The following AGBL4 variants were observed in gnomAD, a reference collection of about 807,000 sequenced individuals.
AGBL4 encodes the protein cytosolic carboxypeptidase 6.
AGBL4 carries 58 observed loss-of-function variants against 66.4 expected under a neutral mutation model. The ratio of observed to expected loss-of-function variants is 0.87; its 90% CI spans 0.71 to 1.09. The LOEUF is 1.09. AGBL4 is among the 50% of genes least tolerant of loss of function. The pLI is 0.00. For synonymous variants in AGBL4, 234 were observed against 222.9 expected (o/e 1.05, Z -0.44); for missense variants, 579 against 631.0 (o/e 0.92, Z 0.88).
At chr1:49,102,174 T>C (rs505739) in intron 4 of AGBL4, among the ~76,000 whole-genome samples, 103,007 of 151,930 alleles carry the variant, frequency 0.68, 35,446 homozygotes, top group African/African-American at 0.75. Flanking sequence ...AGCCATTCCA[T>C]AGCTAAGATC....
chr1:49,058,959 G>A (rs1644353939), intron 4 of AGBL4, among the ~76,000 whole-genome samples: 2 of 152,094 alleles, frequency 1.3e-5, no homozygotes, highest in African/African-American at 4.8e-5. Context: ...TCAAGAGGAA[G>A]AAGAGCAGAA....
At chr1:48,542,488 T>A (rs1211121294) in intron 11 of AGBL4, among the ~76,000 whole-genome samples, 6 of 152,204 alleles carry the variant, frequency 3.9e-5, no homozygotes, top group Admixed American at 6.5e-5. Context: ...TTTCTTCACA[T>A]CCTCTCCAGC....
chr1:48,678,385 A>AG (rs1251548589), intron 6 of AGBL4, among the ~76,000 whole-genome samples: 1 of 152,146 alleles, frequency 6.6e-6, no homozygotes, highest in African/African-American at 2.4e-5. Context: ...TAAGGGACTG[A>AG]GGGGGAGAAC....
At chr1:48,759,247 T>C (rs1023747124) in intron 6 of AGBL4, 7 of 1,584,470 alleles carry the variant, frequency 4.4e-6, no homozygotes, top group East Asian at 2.3e-5. Context: ...CTCGATGCTC[T>C]TGTGCGCCAC....
chr1:49,216,566 T>C (rs1347066436), intron 4 of AGBL4, among the ~76,000 whole-genome samples: 3 of 152,182 alleles, frequency 2.0e-5, no homozygotes, highest in Admixed American at 6.6e-5. Context: ...GCCGCAACCA[T>C]GTTGCTGCAC....
intron 3 of AGBL4, among the ~76,000 whole-genome samples, chr1:49,357,585 A>T (rs1267611871): frequency 6.6e-6 from 1 of 152,058 alleles, no homozygotes; most frequent in Non-Finnish European, 1.5e-5. Flanking sequence ...GGCTCTGTGA[A>T]TTTTTCTTCT....
intron 5 of AGBL4, among the ~76,000 whole-genome samples, chr1:48,954,782 A>G (rs1374392301): frequency 6.6e-6 from 1 of 152,030 alleles, no homozygotes; most frequent in Non-Finnish European, 1.5e-5. Flanking sequence ...CCCCTTCTCT[A>G]ATCACGTTAT....
intron 3 of AGBL4, among the ~76,000 whole-genome samples, chr1:49,635,253 A>T (rs1343164760): frequency 6.6e-6 from 1 of 152,190 alleles, no homozygotes; most frequent in Non-Finnish European, 1.5e-5. Flanking sequence ...TTCCAGATAG[A>T]CTTCAGATAT....
chr1:48,653,278 T>C, intron 8 of AGBL4, 59 bp downstream of exon 8: 1 of 1,320,784 alleles, frequency 7.6e-7, no homozygotes, highest in Middle Eastern at 1.9e-4. Flanking sequence ...TATTTTTTCT[T>C]GCTTCCATAC....
rs575800874 is a variant in AGBL4 at position 48,924,758 on chromosome 1, T to A, written c.595-57528A>T. 2.0e-5 allele frequency among the ~76,000 whole-genome samples: 3 copies of A among 152,208 alleles called. No homozygotes were observed. The South Asian group carries it at 6.2e-4, about 32-fold the overall frequency. On this transcript the variant is annotated intron_variant, in intron 5 of 13. Transcript: ENST00000371839. ...ATGGACTCGTGTATGAGGTCATGTG[T>A]CTCATCTCTGACTCCATGGATAGAT...
chr1:49,699,283 CCTT>C lies in AGBL4; in HGVS notation c.158-1849_158-1847del, dbSNP rs1409110709. 5.9e-5 allele frequency among the ~76,000 whole-genome samples: 9 copies of C among 152,102 alleles called. No individual in the cohort carries two copies. In the East Asian group the frequency reaches 7.7e-4, roughly 13 times the overall value. On this transcript the variant is annotated intron_variant, in intron 2 of 13. Coordinates refer to ENST00000371839, the MANE Select transcript of AGBL4 (RefSeq NM_032785.4). ...TGGCCTTCTGCAACTACTCTGTTGA[CCTT>C]CTTCATCATTCTTGTGATGAGCATT...
chr1:48,940,684 C>T (rs1466899179), intron 5 of AGBL4, among the ~76,000 whole-genome samples: 2 of 152,122 alleles, frequency 1.3e-5, no homozygotes, highest in Non-Finnish European at 2.9e-5. Context: ...ATGAGTGAAG[C>T]TGGGAAACTT....
At chr1:49,622,111 T>C (rs1300236119) in intron 3 of AGBL4, among the ~76,000 whole-genome samples, 1 of 152,208 alleles carries the variant, frequency 6.6e-6, no homozygotes, top group Non-Finnish European at 1.5e-5. Flanking sequence ...TCAAGTTTGA[T>C]TCTGTAAGTC....
At chr1:48,993,004 A>G (rs1047750353) in intron 5 of AGBL4, among the ~76,000 whole-genome samples, 1 of 152,090 alleles carries the variant, frequency 6.6e-6, no homozygotes, top group Non-Finnish European at 1.5e-5. Context: ...ACTAAGCTGC[A>G]AAACAAAGTC....
At chr1:49,339,756 G>T (rs1645501957) in intron 3 of AGBL4, among the ~76,000 whole-genome samples, 1 of 152,110 alleles carries the variant, frequency 6.6e-6, no homozygotes, top group South Asian at 2.1e-4. Context: ...GATAATCATG[G>T]ATATCAATGA....
At chr1:49,437,119 G>A (rs1369421767) in intron 3 of AGBL4, among the ~76,000 whole-genome samples, 1 of 152,124 alleles carries the variant, frequency 6.6e-6, no homozygotes, top group Non-Finnish European at 1.5e-5. Flanking sequence ...GGAAGTTCAT[G>A]GGAGAGTTGG....
At chr1:49,123,924 G>A (rs1645713894) in intron 4 of AGBL4, among the ~76,000 whole-genome samples, 1 of 152,122 alleles carries the variant, frequency 6.6e-6, no homozygotes, top group South Asian at 2.1e-4. Context: ...TGCCAGAAGG[G>A]ACAGCTTGCA....
intron 2 of AGBL4, among the ~76,000 whole-genome samples, chr1:49,773,354 T>C (rs1014822083): frequency 6.6e-6 from 1 of 152,204 alleles, no homozygotes; most frequent in African/African-American, 2.4e-5. Context: ...TCATGTTTCC[T>C]TGCTTTTTCA....
chr1:48,828,925 G>A (rs1464026297), intron 6 of AGBL4, among the ~76,000 whole-genome samples: 1 of 152,092 alleles, frequency 6.6e-6, no homozygotes, highest in African/African-American at 2.4e-5. Flanking sequence ...TTGTGTACGT[G>A]TGTGTGTGTA....
Sources: gnomAD v4.1 joint callset for allele counts (sites outside exome capture counted in the v4.1 genomes callset) on GRCh38, gnomAD v4.1.1 for gene constraint, MANE v1.5 for transcripts, NCBI Gene and HGNC (gene_info 2026-07-23, HGNC 2026-07-21) for gene names.